Variants in COL14A1 observed in about 807,000 individuals in gnomAD.
The protein encoded by COL14A1 is collagen type XIV alpha 1 chain, also known as collagen alpha-1(XIV) chain.
Under a neutral mutation model 230.3 loss-of-function variants are expected in COL14A1, and 136 were observed. That is an observed-to-expected ratio of 0.59 (90% CI 0.51 to 0.68). The LOEUF is 0.68. Ranked by LOEUF, COL14A1 falls within the 30% of genes least tolerant of loss-of-function variation. COL14A1 has a pLI of 0.00. For missense variants in COL14A1, 1,976 were observed against 2,215.8 expected (o/e 0.89, Z 2.17); for synonymous variants, 792 against 784.1 (o/e 1.01, Z -0.17).
chr8:120,130,098 G>A, intron 1 of COL14A1, among the ~76,000 whole-genome samples: 1 of 152,186 alleles, frequency 6.6e-6, no homozygotes. Context: ...ACCTGCCTCT[G>A]ATAAGACAAA....
intron 40 of COL14A1, among the ~76,000 whole-genome samples, chr8:120,327,817 T>C (rs1174185240): frequency 6.6e-6 from 1 of 151,086 alleles, no homozygotes; most frequent in East Asian, 1.9e-4. Flanking sequence ...CCCACTGGAG[T>C]GCAGTGGTGC....
At chr8:120,222,209 A>G (rs1817953746) in intron 14 of COL14A1, among the ~76,000 whole-genome samples, 1 of 152,246 alleles carries the variant, frequency 6.6e-6, no homozygotes, top group African/African-American at 2.4e-5. Flanking sequence ...AGGATTAAAT[A>G]AGTGAATGCA....
At chr8:120,209,679 C>A in intron 11 of COL14A1, 77 bp from the exon 12 acceptor site, 1 of 1,424,296 alleles carries the variant, frequency 7.0e-7, no homozygotes, top group Admixed American at 2.1e-5. Context: ...TATGGTCAAT[C>A]TTATTTCTTG....
intron 40 of COL14A1, among the ~76,000 whole-genome samples, chr8:120,327,472 G>A (rs559294111): frequency 1.3e-5 from 2 of 152,092 alleles, no homozygotes; most frequent in Non-Finnish European, 2.9e-5. Flanking sequence ...TGCCTTACAG[G>A]TTTCTTCCAA....
chr8:120,371,021 G>A lies in COL14A1; in HGVS notation c.5312-131G>A, dbSNP rs1406629279. ...CTTATGGGGAAGGTACAAGGGGCGT[G>A]GTGGATTAAGACATCCACTGCTTTT... is the stretch of plus-strand genomic sequence containing the variant. On this transcript the variant is annotated intron_variant, in intron 47 of 47. Transcript: ENST00000297848. The A allele has an allele frequency of 6.8e-6, 7 of 1,025,556 alleles. No homozygotes were observed. The South Asian group carries it at 9.6e-5, about 14-fold the overall frequency. 63.5% of individuals were successfully genotyped at this position (1,025,556 alleles called of 1,614,324 possible). A position where few individuals can be genotyped will look rare whatever the true frequency, so the allele number is the denominator to read the frequency against.
At chr8:120,200,536 G>A (rs575946620) in intron 8 of COL14A1, among the ~76,000 whole-genome samples, 6 of 151,024 alleles carry the variant, frequency 4.0e-5, no homozygotes, top group Admixed American at 6.6e-5. Context: ...CTACTCTTAT[G>A]AAATTGAACT....
chr8:120,354,329 C>T (rs1822896536), intron 45 of COL14A1, among the ~76,000 whole-genome samples: 1 of 122,624 alleles, frequency 8.2e-6, no homozygotes, highest in Admixed American at 8.6e-5. Flanking sequence ...CAGCATGGCA[C>T]ATGTATACAT....
chr8:120,196,880 C>A lies in COL14A1; in HGVS notation c.526C>A (p.Leu176Met). Residue 176 changes from leucine (L) to methionine (M), a missense_variant, in exon 6 of 48, where the codon CTG becomes ATG. Physicochemically the swap from Leu to Met is conservative, Grantham distance 15 (BLOSUM62 2). Coordinates refer to ENST00000297848, the MANE Select transcript of COL14A1 (RefSeq NM_021110.4). ...GAGTATTGGAAGATTCAACTTCAGACTGGTTCGGCATTTCTTGGAAAACCT... is the reference window on the plus strand; with the variant it reads ...GAGTATTGGAAGATTCAACTTCAGAATGGTTCGGCATTTCTTGGAAAACCT... Reference protein sequence around the residue: ...SWSIGRFNFRLVRHFLENLVT... With the variant: ...SWSIGRFNFRMVRHFLENLVT... 2 of 1,614,092 alleles carry A rather than the reference C, an allele frequency of 1.2e-6. No individual in the cohort carries two copies.
In COL14A1 at chr8:120,341,315, A is replaced by C. The variant is rs531876704; in HGVS notation, c.4786-10A>C. The C allele has an allele frequency of 1.2e-6, 2 of 1,614,166 alleles. No homozygotes were observed. Among genetic ancestry groups the C allele is most frequent in the Admixed American group, 3.3e-5 (2 of 60,020 alleles). On this transcript the variant is annotated splice_polypyrimidine_tract_variant and intron_variant, in intron 42 of 47. Coordinates refer to ENST00000297848, the MANE Select transcript of COL14A1 (RefSeq NM_021110.4). ...ATCATAAGTAACTTGACAATTTTCC[A>C]TTTATACAGGGTGTCCCTGGAGCAA...
At chr8:120,317,243 A>G (rs1821265251) in intron 40 of COL14A1, among the ~76,000 whole-genome samples, 1 of 152,212 alleles carries the variant, frequency 6.6e-6, no homozygotes, top group Non-Finnish European at 1.5e-5. Flanking sequence ...TCTCTACTCA[A>G]ACAAGGCTTG....
rs1352396181 is a variant in COL14A1, at chr8:120,280,224, T to C, written c.3646+125T>C. On this transcript the variant is annotated intron_variant, in intron 29 of 47. Transcript: ENST00000297848. ...TTGACTTCCAGTACTGCTTGTTATA[T>C]AGACATTAAGTTTTGTGGCTTTGAG... is the stretch of plus-strand genomic sequence containing the variant. 5 of 1,114,210 alleles carry C rather than the reference T, an allele frequency of 4.5e-6. No homozygotes were observed. In the African/African-American group the frequency reaches 4.7e-5, roughly 10 times the overall value. 69.0% of individuals were successfully genotyped at this position (1,114,210 alleles called of 1,614,324 possible). A position where few individuals can be genotyped will look rare whatever the true frequency, so the allele number is the denominator to read the frequency against.
At chr8:120,225,399 C>T (rs1324054353) in intron 15 of COL14A1, among the ~76,000 whole-genome samples, 185 bp downstream of exon 15, 2 of 152,156 alleles carry the variant, frequency 1.3e-5, no homozygotes, top group East Asian at 3.9e-4. Context: ...TATTTTTTAT[C>T]AAAGCAAGGA....
intron 7 of COL14A1, among the ~76,000 whole-genome samples, chr8:120,198,376 C>T (rs1563666571): frequency 1.3e-5 from 2 of 152,056 alleles, no homozygotes; most frequent in African/African-American, 2.4e-5. Context: ...AGTCAAGATC[C>T]TCTCTTTTCA....
At chr8:120,274,680 G>T (rs1043269437) in intron 26 of COL14A1, among the ~76,000 whole-genome samples, 10 of 151,036 alleles carry the variant, frequency 6.6e-5, no homozygotes, top group Non-Finnish European at 1.0e-4. Context: ...ATACACCAAC[G>T]ATCAATTCTG....
intron 9 of COL14A1, among the ~76,000 whole-genome samples, chr8:120,205,776 A>G (rs932681432): frequency 6.6e-6 from 1 of 152,216 alleles, no homozygotes; most frequent in Non-Finnish European, 1.5e-5. Context: ...TTGATGATAC[A>G]GCATGTAATA....
Position 120,168,172 on chromosome 8 carries a change from GA to G in COL14A1, c.367del (p.Arg123GlufsTer25). The G allele has an allele frequency of 1.2e-6, 2 of 1,610,038 alleles. No individual in the cohort carries two copies. Among genetic ancestry groups the G allele is most frequent in the Non-Finnish European group, 1.7e-6 (2 of 1,177,450 alleles). On this transcript the variant is annotated frameshift_variant, in exon 5 of 48. Coordinates refer to ENST00000297848, the MANE Select transcript of COL14A1 (RefSeq NM_021110.4). LOFTEE classifies it high-confidence loss of function. Reference protein sequence around the residue: ...AQGQFRIKDLEKRKDPKPRVK... With the variant: ...AQGQFRIKDLXKRKDPKPRVK... ...TACTTTTCTTCCAGTTAAAGATTTA[GA>G]AAAAAGAAAGGATCCAAAGCCCAGA...
chr8:120,271,220 C>A (rs1819656820), intron 26 of COL14A1, among the ~76,000 whole-genome samples: 1 of 151,502 alleles, frequency 6.6e-6, no homozygotes, highest in Non-Finnish European at 1.5e-5. Context: ...CCAGGGCCTA[C>A]TTGTGGGTGG....
chr8:120,348,284 T>C (rs1822602306), intron 45 of COL14A1, among the ~76,000 whole-genome samples: 1 of 148,610 alleles, frequency 6.7e-6, no homozygotes, highest in Admixed American at 6.8e-5. Context: ...TATATATGTA[T>C]ATATATGAAG....
At chr8:120,293,821 T>C (rs1237393952) in intron 34 of COL14A1, among the ~76,000 whole-genome samples, 1 of 151,922 alleles carries the variant, frequency 6.6e-6, no homozygotes, top group Non-Finnish European at 1.5e-5. Context: ...ACCCCCCAAG[T>C]GTGTCTATAC....
Sources: gnomAD v4.1 joint callset for allele counts (sites outside exome capture counted in the v4.1 genomes callset) on GRCh38, gnomAD v4.1.1 for gene constraint, MANE v1.5 for transcripts, NCBI Gene and HGNC (gene_info 2026-07-23, HGNC 2026-07-21) for gene names.